Variants in STPG4 observed in about 807,000 individuals in gnomAD.
STPG4 encodes the protein protein STPG4.
A neutral mutation model predicts 31.5 loss-of-function variants in STPG4; 41 were observed. The ratio of observed to expected loss-of-function variants is 1.30; its 90% CI spans 1.01 to 1.69. STPG4 has a LOEUF of 1.69. Ranked by LOEUF, STPG4 falls within the 40% of genes most tolerant of loss-of-function variation. The pLI, the probability that STPG4 is intolerant of heterozygous loss-of-function variation, is 0.00. For synonymous variants in STPG4, 141 were observed against 103.0 expected (o/e 1.37, Z -2.24); for missense variants, 375 against 293.4 (o/e 1.28, Z -2.03).
At chr2:47,118,002 C>A (rs1256877993) in intron 5 of STPG4, among the ~76,000 whole-genome samples, 2 of 151,754 alleles carry the variant, frequency 1.3e-5, no homozygotes, top group Non-Finnish European at 2.9e-5. Flanking sequence ...CTCAAGGGGT[C>A]CTCCCACCTT....
At chr2:47,115,030 A>T (rs1193823237) in intron 5 of STPG4, among the ~76,000 whole-genome samples, 5 of 152,130 alleles carry the variant, frequency 3.3e-5, no homozygotes, top group Admixed American at 3.3e-4. Context: ...GGCCTCCCAA[A>T]GTGCTGCGAT....
At chr2:47,132,543 C>T (rs1686506306) in intron 3 of STPG4, among the ~76,000 whole-genome samples, 1 of 152,154 alleles carries the variant, frequency 6.6e-6, no homozygotes, top group South Asian at 2.1e-4. Context: ...GAAATATATG[C>T]ATTTTCCTGA....
chr2:47,090,498 T>A (rs1052981525), intron 5 of STPG4, 124 bp from the exon 6 acceptor site: 1 of 650,924 alleles, frequency 1.5e-6, no homozygotes, highest in Admixed American at 2.6e-5. Flanking sequence ...CCATATTTGG[T>A]CTCGAGAGAT....
At chr2:47,135,656 G>C (rs1558685051) in intron 3 of STPG4, among the ~76,000 whole-genome samples, 1 of 152,184 alleles carries the variant, frequency 6.6e-6, no homozygotes, top group Non-Finnish European at 1.5e-5. Flanking sequence ...CAAAGTGCTA[G>C]GATTACAGGC....
chr2:47,102,044 C>T (rs982815594), intron 5 of STPG4, among the ~76,000 whole-genome samples: 2 of 151,802 alleles, frequency 1.3e-5, no homozygotes, highest in African/African-American at 4.9e-5. Flanking sequence ...AGGTAAGGAC[C>T]ACTAAATCCA....
intron 1 of STPG4, among the ~76,000 whole-genome samples, chr2:47,153,529 G>A (rs996480254): frequency 6.6e-6 from 1 of 152,228 alleles, no homozygotes; most frequent in Non-Finnish European, 1.5e-5. Context: ...AAGTTGGGTG[G>A]ATCTCTTGAG....
intron 5 of STPG4, among the ~76,000 whole-genome samples, chr2:47,104,825 A>T (rs1573157705): frequency 6.6e-6 from 1 of 152,140 alleles, no homozygotes; most frequent in East Asian, 1.9e-4. Flanking sequence ...TCGAAGGCCC[A>T]GCTTTGCCTA....
intron 5 of STPG4, among the ~76,000 whole-genome samples, chr2:47,099,265 A>G (rs986829424): frequency 3.9e-5 from 6 of 152,158 alleles, no homozygotes; most frequent in Admixed American, 6.5e-5. Context: ...GCAACCCACA[A>G]TGGTTTGAAA....
At chr2:47,110,237 G>A (rs1362849182) in intron 5 of STPG4, among the ~76,000 whole-genome samples, 1 of 152,234 alleles carries the variant, frequency 6.6e-6, no homozygotes, top group Non-Finnish European at 1.5e-5. Context: ...ATAACAAAGT[G>A]TTTTCATCTT....
At chr2:47,088,053 G>A (rs536163660) in intron 6 of STPG4, among the ~76,000 whole-genome samples, 290 of 152,052 alleles carry the variant, frequency 1.9e-3, no homozygotes, top group Non-Finnish European at 3.2e-3. Context: ...GCACCCAGCC[G>A]GGGTTTTTTG....
At chr2:47,099,212 C>G (rs1685737388) in intron 5 of STPG4, among the ~76,000 whole-genome samples, 1 of 139,342 alleles carries the variant, frequency 7.2e-6, no homozygotes, top group Non-Finnish European at 1.6e-5. Flanking sequence ...TAGGTGTTCA[C>G]TGCCTCATCC....
rs1016488075 is a variant in STPG4, at chr2:47,152,948, T to C, written c.141+9A>G. On this transcript the variant is annotated intron_variant, in intron 2 of 6. Coordinates refer to ENST00000445927, the MANE Select transcript of STPG4 (RefSeq NM_001163561.2). Reference sequence around the variant, plus strand: ...AATGTGAATAGGAAAGACTGAACAATGTACATACTGTTAATGCTATTCTCC... The same window carrying C: ...AATGTGAATAGGAAAGACTGAACAACGTACATACTGTTAATGCTATTCTCC... The C allele has an allele frequency of 1.9e-6, 3 of 1,592,140 alleles. No homozygotes were observed. In the African/African-American group the frequency reaches 4.0e-5, roughly 21 times the overall value.
Position 47,145,279 on chromosome 2 carries a change from C to T in STPG4, c.399+5979G>A, listed in dbSNP as rs186424861. Among the ~76,000 whole-genome samples, 3 of 152,274 alleles carry T rather than the reference C, an allele frequency of 2.0e-5. No homozygotes were observed. In the East Asian group the frequency reaches 5.8e-4, roughly 29 times the overall value. On this transcript the variant is annotated intron_variant, in intron 3 of 6. Coordinates refer to ENST00000445927, the MANE Select transcript of STPG4 (RefSeq NM_001163561.2). ...GGAGGAAGGAGTCTAATGGAAGATACCCACTGGAATTTGAGACCCTAGAAA... is the reference window on the plus strand; with the variant it reads ...GGAGGAAGGAGTCTAATGGAAGATATCCACTGGAATTTGAGACCCTAGAAA...
intron 5 of STPG4, among the ~76,000 whole-genome samples, chr2:47,107,447 T>G (rs981740538): frequency 1.3e-5 from 2 of 152,168 alleles, no homozygotes; most frequent in African/African-American, 4.8e-5. Flanking sequence ...GAGGGTGTAC[T>G]GGGTCCCCCA....
At chr2:47,097,822 A>G (rs1685702678) in intron 5 of STPG4, among the ~76,000 whole-genome samples, 1 of 152,286 alleles carries the variant, frequency 6.6e-6, no homozygotes, top group East Asian at 1.9e-4. Flanking sequence ...CTCCTGTCAA[A>G]AAATGCACTG....
chr2:47,121,294 T>A (rs1173993316), intron 5 of STPG4: 1 of 153,936 alleles, frequency 6.5e-6, no homozygotes, highest in Non-Finnish European at 1.5e-5. Flanking sequence ...AGATCTGGAC[T>A]CAGGAGCCCC....
chr2:47,140,283 C>T (rs989460470), intron 3 of STPG4, among the ~76,000 whole-genome samples: 2 of 152,146 alleles, frequency 1.3e-5, no homozygotes, highest in Admixed American at 1.3e-4. Context: ...TGAGGGCAGG[C>T]CTTGTTAGTA....
intron 2 of STPG4, among the ~76,000 whole-genome samples, chr2:47,152,279 A>C (rs1480223204): frequency 6.6e-6 from 1 of 152,238 alleles, no homozygotes; most frequent in East Asian, 1.9e-4. Flanking sequence ...GGCAGAGCAT[A>C]TGGCCTAGTT....
chr2:47,117,582 A>G (rs184715626), intron 5 of STPG4, among the ~76,000 whole-genome samples: 2 of 152,338 alleles, frequency 1.3e-5, no homozygotes, highest in Admixed American at 1.3e-4. Flanking sequence ...CATTAGCCAG[A>G]CACACACCTT....
Sources: gnomAD v4.1 joint callset for allele counts (sites outside exome capture counted in the v4.1 genomes callset) on GRCh38, gnomAD v4.1.1 for gene constraint, MANE v1.5 for transcripts, NCBI Gene and HGNC (gene_info 2026-07-23, HGNC 2026-07-21) for gene names.